The following RABGEF1 variants were observed in gnomAD, a reference collection of about 807,000 sequenced individuals.
RABGEF1 encodes the protein RAB guanine nucleotide exchange factor 1, also known as rab5 GDP/GTP exchange factor.
A neutral mutation model predicts 57.3 loss-of-function variants in RABGEF1; 26 were observed. That is an observed-to-expected ratio of 0.45 (90% confidence interval 0.33 to 0.63). The LOEUF (loss-of-function observed/expected upper bound fraction) is 0.63, where lower values mean the gene tolerates loss of function less well. Among genes scored for constraint, RABGEF1 ranks in the 20% least tolerant of loss-of-function variants. The pLI is 0.02. For missense variants in RABGEF1, 464 were observed against 607.6 expected (o/e 0.76, Z 2.48); for synonymous variants, 185 against 210.7 (o/e 0.88, Z 1.06).
At chr7:66,689,935 G>T (rs1281063777) in intron 1 of RABGEF1, among the ~76,000 whole-genome samples, 3 of 152,056 alleles carry the variant, frequency 2.0e-5, no homozygotes, top group African/African-American at 7.2e-5. Context: ...ACATTTAAAG[G>T]AAAATTAATG....
intron 1 of RABGEF1, among the ~76,000 whole-genome samples, chr7:66,760,481 T>C (rs1483188983): frequency 6.6e-6 from 1 of 150,596 alleles, no homozygotes; most frequent in African/African-American, 2.4e-5. Context: ...TCTCGCTCTA[T>C]TGCCTAGGCT....
intron 1 of RABGEF1, among the ~76,000 whole-genome samples, chr7:66,746,367 G>A (rs1585114652): frequency 6.6e-6 from 1 of 151,504 alleles, no homozygotes; most frequent in Non-Finnish European, 1.5e-5. Flanking sequence ...GCAGTGGCGC[G>A]ATCTTGGCTC....
rs1245716828 is a variant in RABGEF1, at chr7:66,797,379, C to T, written c.601C>T (p.Pro201Ser). 8 of 1,608,232 alleles carry T rather than the reference C, an allele frequency of 5.0e-6. No individual in the cohort carries two copies. The highest frequency in any genetic ancestry group is 6.8e-6 in the Non-Finnish European group (8 of 1,178,826). Residue 201 changes from proline to serine, a missense_variant, in exon 6 of 9, where the codon CCA (proline) becomes TCA (serine). Pro to Ser is a moderately conservative substitution (Grantham distance 74). Coordinates refer to ENST00000284957, the MANE Select transcript of RABGEF1 (RefSeq NM_014504.3). ...ERMQTRGKVP[P>S]ERVEKIMDQI... ...TCTCTGTCTGGTTATTTCAGTGCCTCCAGAAAGAGTCGAGAAGATAATGGA... is the reference window on the plus strand; with the variant it reads ...TCTCTGTCTGGTTATTTCAGTGCCTTCAGAAAGAGTCGAGAAGATAATGGA...
intron 6 of RABGEF1, 138 bp downstream of exon 6, chr7:66,797,644 G>GGAA: frequency 3.1e-6 from 3 of 959,440 alleles, no homozygotes; most frequent in South Asian, 1.7e-5. Context: ...AGTGGAAGCA[G>GGAA]CTCTGTTGTG....
At position 66,797,465 on chromosome 7, in the gene RABGEF1, T is replaced by C. The variant is rs1300272290; in HGVS notation, c.687T>C (p.Thr229=). 1 of 1,611,122 alleles carries C rather than the reference T, an allele frequency of 6.2e-7. No homozygotes were observed. Among genetic ancestry groups the C allele is most frequent in the Non-Finnish European group, 8.5e-7 (1 of 1,179,586 alleles). Reference sequence around the variant, plus strand: ...AATATGTATTCTGTCCAGAAACTACTGATGATGAGAAGAAAGATCTTGCCA... The same window carrying C: ...AATATGTATTCTGTCCAGAAACTACCGATGATGAGAAGAAAGATCTTGCCA... ...LYKYVFCPET[T]DDEKKDLAIQ... is the part of the protein sequence containing the mutation. Residue 229 remains threonine, a synonymous_variant, in exon 6 of 9, where the codon ACT becomes ACC. Coordinates refer to ENST00000284957, the MANE Select transcript of RABGEF1 (RefSeq NM_014504.3).
chr7:66,800,807 A>G (rs1193467965), intron 7 of RABGEF1, among the ~76,000 whole-genome samples: 2 of 152,150 alleles, frequency 1.3e-5, no homozygotes, highest in African/African-American at 4.8e-5. Context: ...CTTTCACCCA[A>G]GTAGGGCATG....
chr7:66,768,624 C>T (rs1407821213), intron 1 of RABGEF1, among the ~76,000 whole-genome samples: 2 of 152,104 alleles, frequency 1.3e-5, no homozygotes, highest in African/African-American at 2.4e-5. Flanking sequence ...GTGCTGTTTC[C>T]ATCTGTTTCA....
In RABGEF1 at chr7:66,789,639, C is replaced by T. The variant is rs368723024; in HGVS notation, c.513+5798C>T. On this transcript the variant is annotated intron_variant, in intron 4 of 8. Coordinates refer to ENST00000284957, the MANE Select transcript of RABGEF1 (RefSeq NM_014504.3). The stretch of plus-strand genomic sequence containing the variant: ...CGGAGCTTGCAGTGAGCCTAGATCA[C>T]GCCACTGCACTCCAGCCTCAGCATC... Among the ~76,000 whole-genome samples, 50 of 133,216 alleles carry T rather than the reference C, an allele frequency of 3.8e-4. No individual in the cohort carries two copies. In the East Asian group the frequency reaches 8.9e-3, roughly 24 times the overall value. The allele number at this position is 133,216 out of a possible 152,430, so 87.4% of individuals were successfully genotyped here. A position where few individuals can be genotyped will look rare whatever the true frequency, so the allele number is the denominator to read the frequency against.
At chr7:66,698,274 G>A (rs1199794610) in intron 1 of RABGEF1, among the ~76,000 whole-genome samples, 4 of 152,324 alleles carry the variant, frequency 2.6e-5, no homozygotes, top group Admixed American at 2.6e-4. Flanking sequence ...CTAGGGCCAT[G>A]CCCCTTAGAC....
chr7:66,795,453 G>T, intron 4 of RABGEF1, 58 bp from the exon 5 acceptor site: 1 of 1,412,678 alleles, frequency 7.1e-7, no homozygotes. Context: ...TTAGAATGTA[G>T]AGCTGTGCTT....
rs111282315 is a variant in RABGEF1, at chr7:66,762,723, C to T, written c.-17-9160C>T. On this transcript the variant is annotated intron_variant, in intron 1 of 8. Coordinates refer to ENST00000284957, the MANE Select transcript of RABGEF1 (RefSeq NM_014504.3). Reference sequence around the variant, plus strand: ...CGCCTCTACCCTCTCCTGCCACCCCCGTCCCCCAAAAGAATAATAATAAAT... The same window carrying T: ...CGCCTCTACCCTCTCCTGCCACCCCTGTCCCCCAAAAGAATAATAATAAAT... 2.8e-3 allele frequency among the ~76,000 whole-genome samples: 428 copies of T among 152,208 alleles called. 1 individual carries two copies. The highest frequency in any genetic ancestry group is 9.9e-3 in the African/African-American group (412 of 41,524).
intron 1 of RABGEF1, among the ~76,000 whole-genome samples, chr7:66,691,960 G>A (rs1332808179): frequency 6.6e-6 from 1 of 152,158 alleles, no homozygotes; most frequent in African/African-American, 2.4e-5. Context: ...TGGAGGCTGA[G>A]GTGAGAGGAT....
intron 3 of RABGEF1, among the ~76,000 whole-genome samples, chr7:66,782,577 C>T (rs1282475048): frequency 6.6e-6 from 1 of 151,210 alleles, no homozygotes; most frequent in Non-Finnish European, 1.5e-5. Context: ...CTCAAGCGAT[C>T]CTCCTGCTTT....
At chr7:66,716,986 C>T (rs1584899926) in intron 2 of RABGEF1, among the ~76,000 whole-genome samples, 1 of 152,166 alleles carries the variant, frequency 6.6e-6, no homozygotes, top group African/African-American at 2.4e-5. Flanking sequence ...GCCATGTTGG[C>T]CAGGCTAGTC....
intron 1 of RABGEF1, among the ~76,000 whole-genome samples, chr7:66,764,870 A>G (rs1035544887): frequency 1.3e-5 from 2 of 152,152 alleles, no homozygotes; most frequent in Non-Finnish European, 2.9e-5. Context: ...ATGGCTTTGT[A>G]GTAAGTTTTG....
At chr7:66,802,980 C>CTAAA (rs1440722018) in intron 7 of RABGEF1, among the ~76,000 whole-genome samples, 1 of 151,774 alleles carries the variant, frequency 6.6e-6, no homozygotes, top group African/African-American at 2.4e-5. Flanking sequence ...AGGTAGAAGG[C>CTAAA]TAAAGATAAA....
chr7:66,708,684 C>T (rs62466144), intron 1 of RABGEF1, among the ~76,000 whole-genome samples: 5,988 of 152,092 alleles, frequency 0.039, 165 homozygotes, highest in East Asian at 0.084. Context: ...TGATGGCACA[C>T]GCCTGTGTTC....
chr7:66,800,607 C>A (rs570742955), intron 7 of RABGEF1, among the ~76,000 whole-genome samples: 342 of 152,314 alleles, frequency 2.2e-3, no homozygotes, highest in Non-Finnish European at 3.9e-3. Context: ...CGGGGAACCC[C>A]ATAAGAGGTT....
intron 6 of RABGEF1, among the ~76,000 whole-genome samples, chr7:66,797,766 G>C (rs1346532501): frequency 6.6e-6 from 1 of 152,226 alleles, no homozygotes; most frequent in Non-Finnish European, 1.5e-5. Flanking sequence ...AATCTCCAAG[G>C]AATAGGGGGA....
Sources: gnomAD v4.1 joint callset for allele counts (sites outside exome capture counted in the v4.1 genomes callset) on GRCh38, gnomAD v4.1.1 for gene constraint, MANE v1.5 for transcripts, NCBI Gene and HGNC (gene_info 2026-07-23, HGNC 2026-07-21) for gene names.